Variants in CFAP58 observed in about 807,000 individuals in gnomAD.
The protein encoded by CFAP58 is cilia and flagella associated protein 58, also known as cilia- and flagella-associated protein 58.
In CFAP58, 88 loss-of-function variants were observed where a neutral mutation model predicts 119.5. The observed-to-expected ratio is 0.74, with a 90% CI of 0.62 to 0.88. CFAP58 has a LOEUF of 0.88. CFAP58 is among the 40% of genes least tolerant of loss of function. The pLI is 0.00. For synonymous variants in CFAP58, 365 were observed against 366.3 expected, an observed-to-expected ratio of 1.00 and a Z score of 0.04; for missense variants, 990 against 1,021.2, an observed-to-expected ratio of 0.97 and a Z score of 0.42.
intron 15 of CFAP58, among the ~76,000 whole-genome samples, chr10:104,436,202 C>A (rs193013319): frequency 3.3e-5 from 5 of 152,262 alleles, no homozygotes; most frequent in African/African-American, 1.2e-4. Context: ...ACATTTTAAT[C>A]TCAATCTTTG....
At chr10:104,374,108 C>T (rs1281025735) in intron 7 of CFAP58, among the ~76,000 whole-genome samples, 3 of 151,914 alleles carry the variant, frequency 2.0e-5, no homozygotes, top group Admixed American at 6.6e-5. Flanking sequence ...TAAATGAAGG[C>T]AAATCGACTA....
intron 7 of CFAP58, among the ~76,000 whole-genome samples, chr10:104,374,761 A>G (rs7920819): frequency 0.99 from 150,010 of 150,946 alleles, 74,538 homozygotes; most frequent in East Asian, 1. Context: ...AGAAATGTCT[A>G]TTAAAAATCC....
intron 5 of CFAP58, among the ~76,000 whole-genome samples, chr10:104,368,173 C>T (rs1377916019): frequency 6.6e-6 from 1 of 152,208 alleles, no homozygotes; most frequent in East Asian, 1.9e-4. Flanking sequence ...ACAAGACTTC[C>T]CAAGGCTCTC....
At chr10:104,390,591 A>C (rs909606378) in intron 9 of CFAP58, among the ~76,000 whole-genome samples, 1 of 152,204 alleles carries the variant, frequency 6.6e-6, no homozygotes, top group African/African-American at 2.4e-5. Flanking sequence ...TGTCAGGTAC[A>C]TAGAAGGTAA....
rs112632567 is a variant in CFAP58, at chr10:104,381,150, A to AAAAC, written c.1365+952_1365+955dup. Among the ~76,000 whole-genome samples the AAAAC allele has an allele frequency of 8.1e-3, 1,231 of 152,148 alleles. 19 individuals carry two copies. Among genetic ancestry groups the AAAAC allele is most frequent in the East Asian group, 0.039 (200 of 5,176 alleles). On this transcript the variant is annotated intron_variant, in intron 9 of 17. Coordinates refer to ENST00000369704, the MANE Select transcript of CFAP58 (RefSeq NM_001008723.2). ...GGGCAACAGAGTGAGATCCTGTCTC[A>AAAAC]AAACAAACAAACAAACAAACAAACA... is the stretch of plus-strand genomic sequence containing the variant.
At chr10:104,411,921 T>G (rs975682733) in intron 15 of CFAP58, among the ~76,000 whole-genome samples, 6 of 152,170 alleles carry the variant, frequency 3.9e-5, no homozygotes, top group African/African-American at 1.2e-4. Flanking sequence ...AACACCCACT[T>G]CACACAGGCC....
At chr10:104,358,016 T>G (rs1055289984) in intron 1 of CFAP58, among the ~76,000 whole-genome samples, 3 of 130,454 alleles carry the variant, frequency 2.3e-5, no homozygotes, top group Non-Finnish European at 5.1e-5. Context: ...TACACATATA[T>G]GTACATATAT....
chr10:104,437,139 A>T (rs1159860321), intron 15 of CFAP58, among the ~76,000 whole-genome samples: 1 of 152,184 alleles, frequency 6.6e-6, no homozygotes, highest in Non-Finnish European at 1.5e-5. Flanking sequence ...CAACTTCCTC[A>T]TCTGGAAAAT....
At chr10:104,426,886 A>G (rs2012759706) in intron 15 of CFAP58, among the ~76,000 whole-genome samples, 1 of 152,188 alleles carries the variant, frequency 6.6e-6, no homozygotes, top group African/African-American at 2.4e-5. Context: ...TTCCTTTCCA[A>G]TAATCATTCA....
At chr10:104,396,913 T>G (rs2012173816) in intron 11 of CFAP58, among the ~76,000 whole-genome samples, 1 of 152,226 alleles carries the variant, frequency 6.6e-6, no homozygotes. Context: ...CAATGTCTAA[T>G]GCCACATCTT....
intron 15 of CFAP58, among the ~76,000 whole-genome samples, chr10:104,431,981 T>C (rs1239968725): frequency 6.6e-6 from 1 of 152,198 alleles, no homozygotes. Context: ...ACATTTAGGT[T>C]TTTTTCTTTC....
At chr10:104,406,913 A>T (rs766939413) in intron 15 of CFAP58, 120 bp downstream of exon 15, 3 of 701,818 alleles carry the variant, frequency 4.3e-6, no homozygotes, top group Admixed American at 2.6e-5. Flanking sequence ...TGTAGATGGC[A>T]ACAGTGACTT....
At chr10:104,399,607 T>G (rs1296131585) in intron 12 of CFAP58, 107 bp downstream of exon 12, 1 of 1,174,312 alleles carries the variant, frequency 8.5e-7, no homozygotes, top group Non-Finnish European at 1.2e-6. Context: ...CCAGCCCTAT[T>G]GGAAGAACAG....
chr10:104,408,139 C>T lies in CFAP58; in HGVS notation c.2256+1346C>T, dbSNP rs529674983. Among the ~76,000 whole-genome samples, 4 of 152,304 alleles carry T rather than the reference C, an allele frequency of 2.6e-5. No individual in the cohort carries two copies. The East Asian group carries it at 7.7e-4, about 29-fold the overall frequency. ...TAAAGTTGGGTATACAGTAAATAGC[C>T]TTCCAGAATATCATGACACTGAATG... On this transcript the variant is annotated intron_variant, in intron 15 of 17. Coordinates refer to ENST00000369704, the MANE Select transcript of CFAP58 (RefSeq NM_001008723.2).
chr10:104,447,832 C>G lies in CFAP58; in HGVS notation c.2376+15C>G, dbSNP rs1270635522. The G allele has an allele frequency of 6.3e-7, 1 of 1,595,508 alleles. No homozygotes were observed. Among genetic ancestry groups the G allele is most frequent in the Non-Finnish European group, 8.6e-7 (1 of 1,169,036 alleles). ...AGCAGCTGAAAGTAAGTGGTAGCCC[C>G]TGTTCCTTCCGGGTTCCAGGGCAGC... On this transcript the variant is annotated intron_variant, in intron 16 of 17. Transcript: ENST00000369704.
At chr10:104,399,913 T>A (rs1015581054) in intron 12 of CFAP58, among the ~76,000 whole-genome samples, 1 of 151,824 alleles carries the variant, frequency 6.6e-6, no homozygotes, top group Non-Finnish European at 1.5e-5. Context: ...ATGAAAAAAA[T>A]AAAAAACAAT....
rs1564889520 is a variant in CFAP58 at position 104,392,309 on chromosome 10, A to G, written c.1442A>G (p.Glu481Gly). Residue 481 changes from glutamate to glycine, a missense_variant, in exon 10 of 18, where the codon GAG becomes GGG. Physicochemically the swap from Glu to Gly is moderately conservative, Grantham distance 98. Transcript: ENST00000369704. The part of the protein sequence containing the change: ...FDYRKKIAES[E>G]IKLKQQQNLY... ...TACAGGAAAAAAATAGCTGAATCAG[A>G]GATTAAATTAAAACAGCAACAGAAC... 6.2e-7 allele frequency: 1 copy of G among 1,613,178 alleles called. No individual in the cohort carries two copies. The highest frequency in any genetic ancestry group is 8.5e-7 in the Non-Finnish European group (1 of 1,179,602).
chr10:104,382,470 T>C (rs2011830975), intron 9 of CFAP58: 2 of 414,404 alleles, frequency 4.8e-6, no homozygotes, highest in Non-Finnish European at 8.9e-6. Flanking sequence ...GTGGTTTTAT[T>C]ATTACTCTGG....
chr10:104,381,385 C>T (rs2011799347), intron 9 of CFAP58, among the ~76,000 whole-genome samples: 1 of 152,136 alleles, frequency 6.6e-6, no homozygotes, highest in South Asian at 2.1e-4. Context: ...CTCTTTAATG[C>T]ATTCATAGAT....
Sources: allele counts gnomAD v4.1 joint callset (sites outside exome capture counted in the v4.1 genomes callset), GRCh38; gene constraint gnomAD v4.1.1; transcripts MANE v1.5; gene names NCBI Gene and HGNC (gene_info 2026-07-23, HGNC 2026-07-21).